RPTOR: variants seen among roughly 807,000 people sequenced by gnomAD.
The protein encoded by RPTOR is regulatory-associated protein of mTOR.
RPTOR carries 21 observed loss-of-function variants against 169.9 expected under a neutral mutation model. That is an observed-to-expected ratio of 0.12 (90% confidence interval 0.09 to 0.18). The LOEUF is 0.18. Among genes scored for constraint, RPTOR ranks in the 10% least tolerant of loss-of-function variants. RPTOR has a pLI of 1.00. For synonymous variants in RPTOR, 732 were observed against 753.2 expected (o/e 0.97, Z 0.46); for missense variants, 1,133 against 1,855.9 (o/e 0.61, Z 7.16).
At chr17:80,743,283 G>A (rs1259191751) in intron 5 of RPTOR, 9 of 985,368 alleles carry the variant, frequency 9.1e-6, no homozygotes, top group African/African-American at 1.7e-5. Context: ...AAATGTTTCC[G>A]GGGGTGAAGG....
At chr17:80,579,790 T>C (rs1568316254) in intron 1 of RPTOR, among the ~76,000 whole-genome samples, 1 of 152,240 alleles carries the variant, frequency 6.6e-6, no homozygotes, top group Non-Finnish European at 1.5e-5. Flanking sequence ...GTGGGGTAGT[T>C]AAGTGTCACT....
rs1181252886 is a variant in RPTOR, at chr17:80,947,647, G to T, written c.3265+296G>T. Among the ~76,000 whole-genome samples the T allele has an allele frequency of 1.3e-5, 2 of 152,160 alleles. No homozygotes were observed. The highest frequency in any genetic ancestry group is 2.9e-5 in the Non-Finnish European group (2 of 68,022). ...TGACAGCCTCTGTCCTTAAACCCCT[G>T]TGAGAGACCCGGTGGGTCCCACGTG... On this transcript the variant is annotated intron_variant, in intron 27 of 33. Coordinates refer to ENST00000306801, the MANE Select transcript of RPTOR (RefSeq NM_020761.3). The surrounding 1 kb of genome is among the most constrained non-coding windows in gnomAD (Gnocchi z 4.4).
chr17:80,800,415 T>C (rs1444709785), intron 7 of RPTOR, among the ~76,000 whole-genome samples: 8 of 152,332 alleles, frequency 5.3e-5, no homozygotes, highest in South Asian at 2.1e-4. Flanking sequence ...CCTTGTCAGA[T>C]GGGCAAAACA....
At chr17:80,561,487 G>T (rs1000264652) in intron 1 of RPTOR, among the ~76,000 whole-genome samples, 3 of 151,614 alleles carry the variant, frequency 2.0e-5, no homozygotes, top group Non-Finnish European at 4.4e-5. Context: ...CTGGAGTGCA[G>T]TGGCACAATC....
intron 15 of RPTOR, 59 bp downstream of exon 15, chr17:80,883,543 G>A (rs1301503024): frequency 8.3e-6 from 13 of 1,556,968 alleles, no homozygotes; most frequent in Non-Finnish European, 1.2e-5. Flanking sequence ...AGAGGAGCTG[G>A]GCCCACTGTG....
intron 7 of RPTOR, among the ~76,000 whole-genome samples, chr17:80,809,278 G>A (rs563307291): frequency 3.9e-5 from 6 of 152,198 alleles, no homozygotes; most frequent in South Asian, 2.1e-4. Flanking sequence ...TGCAACCTCC[G>A]CCTCCCGGGT....
chr17:80,599,188 C>T (rs973535756), intron 1 of RPTOR, among the ~76,000 whole-genome samples: 1 of 152,156 alleles, frequency 6.6e-6, no homozygotes, highest in Non-Finnish European at 1.5e-5. Context: ...AAAAGGCTCT[C>T]CCCTGGATCT....
At chr17:80,840,941 CTG>C (rs1447651671) in intron 10 of RPTOR, among the ~76,000 whole-genome samples, 18 of 94,134 alleles carry the variant, frequency 1.9e-4, no homozygotes, top group African/African-American at 2.4e-4. Context: ...CTCACTCTCT[CTG>C]CACCGCAGCT....
At chr17:80,911,913 A>T (rs997140521) in intron 21 of RPTOR, among the ~76,000 whole-genome samples, 2 of 152,252 alleles carry the variant, frequency 1.3e-5, no homozygotes, top group Non-Finnish European at 2.9e-5. Flanking sequence ...AACACCCCTG[A>T]GGAAACCACC....
At chr17:80,814,334 G>C (rs1057225595) in intron 7 of RPTOR, among the ~76,000 whole-genome samples, 2 of 152,038 alleles carry the variant, frequency 1.3e-5, no homozygotes, top group African/African-American at 4.8e-5. Flanking sequence ...CAGCATGCCG[G>C]GATAACCATT....
In RPTOR at chr17:80,940,534, G is replaced by C; in HGVS notation, c.2958G>C (p.Lys986Asn). 6.2e-7 allele frequency: 1 copy of C among 1,613,940 alleles called. No individual in the cohort carries two copies. Among genetic ancestry groups the C allele is most frequent in the Middle Eastern group, 1.7e-4 (1 of 6,058 alleles). ...EEHDLESQIR[K>N]EREWRFLRNS... ...ACGACCTGGAGAGTCAGATCCGCAA[G>C]GAGCGGGAGTGGCGGTTCCTGCGAA... Residue 986 changes from lysine (K) to asparagine (N), a missense_variant, in exon 25 of 34, where the codon AAG (lysine) becomes AAC (asparagine). Transcript: ENST00000306801.
intron 11 of RPTOR, among the ~76,000 whole-genome samples, chr17:80,854,700 A>T (rs1341085121): frequency 6.6e-6 from 1 of 152,222 alleles, no homozygotes. Context: ...CAAGACCTGC[A>T]TGGGCAATGT....
intron 4 of RPTOR, among the ~76,000 whole-genome samples, chr17:80,729,090 G>A (rs146061461): frequency 8.5e-5 from 13 of 152,222 alleles, no homozygotes; most frequent in Non-Finnish European, 1.5e-4. Context: ...CGTCTGAGAT[G>A]TAGCTGATGT....
rs543839221 is a variant in RPTOR at position 80,957,851 on chromosome 17, G to A, written c.3477+121G>A. 56 of 854,598 alleles carry A rather than the reference G, an allele frequency of 6.6e-5. No individual in the cohort carries two copies. In the South Asian group the frequency reaches 7.6e-4, roughly 12 times the overall value. 52.9% of individuals were successfully genotyped at this position (854,598 alleles called of 1,614,324 possible). On this transcript the variant is annotated intron_variant, in intron 29 of 33. Coordinates refer to ENST00000306801, the MANE Select transcript of RPTOR (RefSeq NM_020761.3). This position sits in a 1 kb window ranked among gnomAD's most constrained non-coding sequence, Gnocchi z 4.6. ...CTGGCCATCCCAGGGGTGGAGTCAG[G>A]GCCTGGGAGGACAGTGCCGGGACAA...
In RPTOR at chr17:80,651,194, G is replaced by A. The variant is rs1246866263; in HGVS notation, c.348+7384G>A. Among the ~76,000 whole-genome samples the A allele has an allele frequency of 6.6e-6, 1 of 152,186 alleles. No individual in the cohort carries two copies. The highest frequency in any genetic ancestry group is 1.5e-5 in the Non-Finnish European group (1 of 68,042). The stretch of plus-strand genomic sequence containing the variant: ...CAGGTGCCAGGCGAGGGATGGAAGT[G>A]CTGCTTCTAAGTCAGAAAGTGGAAG... On this transcript the variant is annotated intron_variant, in intron 3 of 33. Transcript: ENST00000306801. This position sits in a 1 kb window ranked among gnomAD's most constrained non-coding sequence, Gnocchi z 4.1.
chr17:80,589,264 C>A (rs1042797949), intron 1 of RPTOR, among the ~76,000 whole-genome samples: 5 of 152,124 alleles, frequency 3.3e-5, no homozygotes, highest in Admixed American at 2.6e-4. Context: ...GCCGTCTTTG[C>A]GGGAACTAAG....
intron 5 of RPTOR, among the ~76,000 whole-genome samples, chr17:80,747,636 G>A (rs1329005341): frequency 2.6e-5 from 4 of 152,250 alleles, no homozygotes; most frequent in Admixed American, 6.5e-5. Flanking sequence ...CCAAGCGCCC[G>A]TGCATCTCAG....
chr17:80,903,761 C>T (rs1243876744), intron 20 of RPTOR, among the ~76,000 whole-genome samples: 2 of 152,086 alleles, frequency 1.3e-5, no homozygotes, highest in African/African-American at 2.4e-5. Flanking sequence ...GGCCAGGCCT[C>T]GAGGTCTGGG....
intron 29 of RPTOR, among the ~76,000 whole-genome samples, chr17:80,958,280 CAG>C (rs1326987835): frequency 6.8e-6 from 1 of 146,990 alleles, no homozygotes; most frequent in Non-Finnish European, 1.5e-5. Context: ...TTTGTAGAAA[CAG>C]GGGTCTCAGT....
Sources: gnomAD v4.1 joint callset for allele counts (sites outside exome capture counted in the v4.1 genomes callset) on GRCh38, gnomAD v4.1.1 for gene constraint, Gnocchi (gnomAD v3.1) non-coding constraint, MANE v1.5 for transcripts, NCBI Gene and HGNC (gene_info 2026-07-23, HGNC 2026-07-21) for gene names.